The following CNTN4 variants were observed in gnomAD, a reference collection of about 807,000 sequenced individuals.
CNTN4 encodes contactin-4.
CNTN4 carries 77 observed loss-of-function variants against 122.5 expected under a neutral mutation model. The observed-to-expected ratio is 0.63, with a 90% CI of 0.52 to 0.76. CNTN4 has a LOEUF of 0.76. Among genes scored for constraint, CNTN4 ranks in the 30% least tolerant of loss-of-function variants. CNTN4 has a pLI of 0.00. For missense variants in CNTN4, 1,256 were observed against 1,259.1 expected (o/e 1.00, Z 0.04); for synonymous variants, 512 against 447.0 (o/e 1.15, Z -1.83).
chr3:2,224,404 C>A (rs1410485248), intron 2 of CNTN4, among the ~76,000 whole-genome samples: 1 of 152,114 alleles, frequency 6.6e-6, no homozygotes, highest in Non-Finnish European at 1.5e-5. Context: ...CATTTTTGTT[C>A]CTGGGAAAGA....
intron 13 of CNTN4, among the ~76,000 whole-genome samples, chr3:2,978,236 C>T (rs985218862): frequency 6.6e-6 from 1 of 152,232 alleles, no homozygotes; most frequent in Non-Finnish European, 1.5e-5. Flanking sequence ...GCTCTGTTCT[C>T]TCTGTCCAGT....
In CNTN4 at chr3:2,495,605, C is replaced by T. The variant is rs116438681; in HGVS notation, c.-88-75811C>T. Among the ~76,000 whole-genome samples, 780 of 152,288 alleles carry T rather than the reference C, an allele frequency of 5.1e-3. 7 individuals carry two copies. The highest frequency in any genetic ancestry group is 0.018 in the African/African-American group (752 of 41,560). ...GCGAGCATTACCTCCTGAGCTCTGC[C>T]TCCTATCAGGTCAGTGGCAGCATTA... On this transcript the variant is annotated intron_variant, in intron 3 of 24. Coordinates refer to ENST00000418658, the MANE Select transcript of CNTN4 (RefSeq NM_175607.3).
intron 21 of CNTN4, 172 bp from the exon 22 acceptor site, chr3:3,042,805 T>A: frequency 1.6e-6 from 1 of 642,616 alleles, no homozygotes; most frequent in Non-Finnish European, 2.7e-6. Flanking sequence ...GGACCCTTCT[T>A]ACTTTGGATA....
At chr3:2,770,570 T>C (rs2091053778) in intron 6 of CNTN4, among the ~76,000 whole-genome samples, 1 of 152,234 alleles carries the variant, frequency 6.6e-6, no homozygotes, top group African/African-American at 2.4e-5. Flanking sequence ...TCTCTTTTTC[T>C]ACAGATCTTT....
intron 4 of CNTN4, among the ~76,000 whole-genome samples, chr3:2,670,611 T>TA (rs759054928): frequency 8.5e-5 from 13 of 152,180 alleles, no homozygotes; most frequent in Middle Eastern, 3.2e-3. Context: ...TTAATATTGT[T>TA]ATGTGCGAAT....
intron 2 of CNTN4, among the ~76,000 whole-genome samples, chr3:2,279,144 T>C (rs115853913): frequency 0.021 from 3,127 of 149,898 alleles, 184 homozygotes; most frequent in African/African-American, 0.075. Context: ...TAATCAAAAC[T>C]AATAAAAACA....
chr3:2,916,429 A>C (rs1458439677), intron 12 of CNTN4, among the ~76,000 whole-genome samples: 1 of 149,722 alleles, frequency 6.7e-6, no homozygotes, highest in African/African-American at 2.5e-5. Context: ...GCCTTCAAGC[A>C]TCTGTTTAAC....
chr3:2,917,898 A>G lies in CNTN4; in HGVS notation c.1208-7731A>G, dbSNP rs1253813707. On this transcript the variant is annotated intron_variant, in intron 12 of 24. Coordinates refer to ENST00000418658, the MANE Select transcript of CNTN4 (RefSeq NM_175607.3). ...TGACCCAACAAAACCTCTATCAGTC[A>G]TGTGAGGCATTTTTTTTTTAACAGA... 2.5e-5 allele frequency among the ~76,000 whole-genome samples: 3 copies of G among 119,216 alleles called. No individual in the cohort carries two copies. In the Admixed American group the frequency reaches 2.6e-4, roughly 10 times the overall value. The allele number at this position is 119,216 out of a possible 152,430, so 78.2% of individuals were successfully genotyped here.
intron 2 of CNTN4, among the ~76,000 whole-genome samples, chr3:2,335,430 G>A (rs574230969): frequency 2.0e-5 from 3 of 152,172 alleles, no homozygotes; most frequent in East Asian, 3.9e-4. Context: ...CATTTTATTC[G>A]AAAGGAAGCT....
At chr3:2,518,843 C>T (rs1391580460) in intron 3 of CNTN4, among the ~76,000 whole-genome samples, 1 of 152,006 alleles carries the variant, frequency 6.6e-6, no homozygotes, top group African/African-American at 2.4e-5. Context: ...ACAAAACAGA[C>T]TAATAGAAGA....
intron 3 of CNTN4, among the ~76,000 whole-genome samples, chr3:2,529,765 A>G (rs1031621771): frequency 6.6e-6 from 1 of 152,060 alleles, no homozygotes; most frequent in African/African-American, 2.4e-5. Flanking sequence ...AATGGTGACC[A>G]CCATATGATG....
chr3:2,306,081 T>A (rs2042695778), intron 2 of CNTN4, among the ~76,000 whole-genome samples: 1 of 152,188 alleles, frequency 6.6e-6, no homozygotes, highest in South Asian at 2.1e-4. Flanking sequence ...TTATAAATAA[T>A]GTTGCTTTGA....
chr3:2,733,653 C>G (rs957695114), intron 4 of CNTN4, among the ~76,000 whole-genome samples: 1 of 151,446 alleles, frequency 6.6e-6, no homozygotes, highest in Non-Finnish European at 1.5e-5. Context: ...CCTGCTTCAG[C>G]CTCCCGAGTG....
rs199658650 is a variant in CNTN4, at chr3:2,886,400, T to TA, written c.756-631dup. 2.0e-3 allele frequency among the ~76,000 whole-genome samples: 172 copies of TA among 87,256 alleles called. 2 individuals are homozygous for TA. The South Asian group carries it at 0.026, about 13-fold the overall frequency. 57.2% of individuals were successfully genotyped at this position (87,256 alleles called of 152,430 possible). On this transcript the variant is annotated intron_variant, in intron 9 of 24. Transcript: ENST00000418658. ...GACAGAGTGATACTCCGTCTCAAAATAAAAAAAAATATATTAAAAAAAAAA... is the reference window on the plus strand; with the variant it reads ...GACAGAGTGATACTCCGTCTCAAAATAAAAAAAAAATATATTAAAAAAAAAA...
chr3:2,675,769 C>T (rs2084810919), intron 4 of CNTN4, among the ~76,000 whole-genome samples: 1 of 152,184 alleles, frequency 6.6e-6, no homozygotes. Context: ...CAAATACGAA[C>T]ACACGCTGCT....
chr3:2,671,563 A>T (rs533239881), intron 4 of CNTN4, among the ~76,000 whole-genome samples: 2 of 152,082 alleles, frequency 1.3e-5, no homozygotes, highest in East Asian at 3.9e-4. Flanking sequence ...AAGAAGTTTG[A>T]TCATCTGAAG....
At chr3:3,042,211 T>C (rs1700226257) in intron 20 of CNTN4, 99 bp from the exon 21 acceptor site, 2 of 910,410 alleles carry the variant, frequency 2.2e-6, no homozygotes, top group Non-Finnish European at 3.6e-6. Context: ...TTAAGGACGA[T>C]TCTATAACCA....
At chr3:2,743,879 T>G (rs1374902334) in intron 5 of CNTN4, among the ~76,000 whole-genome samples, 1 of 152,124 alleles carries the variant, frequency 6.6e-6, no homozygotes, top group African/African-American at 2.4e-5. Context: ...GGTGTGACCT[T>G]GGCTCGCTGC....
intron 4 of CNTN4, among the ~76,000 whole-genome samples, chr3:2,726,450 T>C (rs572024372): frequency 1.3e-5 from 2 of 152,330 alleles, no homozygotes; most frequent in African/African-American, 4.8e-5. Context: ...GTAGGAGGGT[T>C]GGTTCACCAA....
Sources: allele counts gnomAD v4.1 joint callset (sites outside exome capture counted in the v4.1 genomes callset), GRCh38; gene constraint gnomAD v4.1.1; transcripts MANE v1.5; gene names NCBI Gene and HGNC (gene_info 2026-07-23, HGNC 2026-07-21).